Variants in DLGAP4 observed in about 807,000 individuals in gnomAD.
DLGAP4 encodes DLG associated protein 4.
A neutral mutation model predicts 86.9 loss-of-function variants in DLGAP4; 18 were observed. The ratio of observed to expected loss-of-function variants is 0.21; its 90% CI spans 0.14 to 0.31. The LOEUF is 0.31. Among genes scored for constraint, DLGAP4 ranks in the 10% least tolerant of loss-of-function variants. The pLI, the probability that DLGAP4 is intolerant of heterozygous loss-of-function variation, is 1.00. For synonymous variants in DLGAP4, 548 were observed against 574.3 expected (o/e 0.95, Z 0.65); for missense variants, 1,085 against 1,362.6 (o/e 0.80, Z 3.21).
At chr20:36,388,828 C>T (rs2031692546) in intron 2 of DLGAP4, among the ~76,000 whole-genome samples, 1 of 152,214 alleles carries the variant, frequency 6.6e-6, no homozygotes, top group South Asian at 2.1e-4. Flanking sequence ...TCATGATGCT[C>T]CTGGTCACTG....
chr20:36,338,731 T>C (rs2065347237), intron 1 of DLGAP4, among the ~76,000 whole-genome samples: 1 of 152,132 alleles, frequency 6.6e-6, no homozygotes. Flanking sequence ...GATAAATAAA[T>C]GAATAAATGA....
intron 2 of DLGAP4, among the ~76,000 whole-genome samples, chr20:36,380,593 AAGAGAGAG>A (rs57814145): frequency 2.8e-3 from 268 of 97,090 alleles, no homozygotes; most frequent in Admixed American, 4.5e-3. Context: ...GTCTGCATTA[AAGAGAGAG>A]AGAGAGAGAG....
intron 2 of DLGAP4, among the ~76,000 whole-genome samples, chr20:36,405,048 G>A (rs932498426): frequency 6.6e-6 from 1 of 152,216 alleles, no homozygotes; most frequent in Non-Finnish European, 1.5e-5. Context: ...CGCACAAATA[G>A]CCAGGAGGGA....
intron 2 of DLGAP4, among the ~76,000 whole-genome samples, chr20:36,386,450 G>A (rs2031600603): frequency 6.6e-6 from 1 of 151,488 alleles, no homozygotes; most frequent in Admixed American, 6.6e-5. Flanking sequence ...AGGAAAGGAT[G>A]GAGGGAAGAA....
chr20:36,401,708 C>G (rs79886281), intron 2 of DLGAP4, among the ~76,000 whole-genome samples: 2,519 of 152,262 alleles, frequency 0.017, 72 homozygotes, highest in African/African-American at 0.057. Flanking sequence ...AGGGCAGCAA[C>G]AATAAGCACA....
At chr20:36,522,631 ATC>A (rs1467010235) in intron 10 of DLGAP4, among the ~76,000 whole-genome samples, 5 of 152,092 alleles carry the variant, frequency 3.3e-5, no homozygotes, top group Non-Finnish European at 5.9e-5. Context: ...AGATTCTCCT[ATC>A]TCAGCCTCCC....
rs1395522533 is a variant in DLGAP4, at chr20:36,485,410, T to C, written c.1649-11295T>C. Among the ~76,000 whole-genome samples the C allele has an allele frequency of 2.0e-5, 3 of 152,082 alleles. No homozygotes were observed. In the East Asian group the frequency reaches 5.8e-4, roughly 29 times the overall value. ...AAATGTATATTTTAAAATCCAGATT[T>C]CTGGTACATTTGGCAGCTCTGACAA... On this transcript the variant is annotated intron_variant, in intron 7 of 12. Coordinates refer to ENST00000339266, the MANE Select transcript of DLGAP4 (RefSeq NM_001365621.2).
intron 2 of DLGAP4, among the ~76,000 whole-genome samples, chr20:36,425,076 G>A (rs1477500936): frequency 1.3e-5 from 2 of 152,046 alleles, no homozygotes; most frequent in Non-Finnish European, 2.9e-5. Flanking sequence ...GTGCTAATGG[G>A]GAAGGAAAGA....
intron 2 of DLGAP4, among the ~76,000 whole-genome samples, chr20:36,374,376 C>A (rs1600450592): frequency 6.6e-6 from 1 of 152,166 alleles, no homozygotes; most frequent in Admixed American, 6.5e-5. Flanking sequence ...ACTGAGTAGC[C>A]AACCAGAGTG....
At chr20:36,515,485 T>G (rs1295680284) in intron 10 of DLGAP4, among the ~76,000 whole-genome samples, 9 of 152,250 alleles carry the variant, frequency 5.9e-5, no homozygotes, top group Admixed American at 5.2e-4. Flanking sequence ...CTGATTTTTA[T>G]TTTAGAAATA....
intron 11 of DLGAP4, 200 bp from the exon 12 acceptor site, chr20:36,525,651 C>A: frequency 1.5e-6 from 1 of 664,426 alleles, no homozygotes; most frequent in Non-Finnish European, 2.5e-6. Context: ...TAGACTATCC[C>A]CCAAAGATCC....
At chr20:36,323,670 T>C (rs1555890803) in intron 1 of DLGAP4, among the ~76,000 whole-genome samples, 1 of 152,210 alleles carries the variant, frequency 6.6e-6, no homozygotes, top group African/African-American at 2.4e-5. Context: ...GATAGTGCCT[T>C]ACAGCAGGGA....
chr20:36,340,897 C>T (rs1384059920), intron 1 of DLGAP4, among the ~76,000 whole-genome samples: 1 of 152,174 alleles, frequency 6.6e-6, no homozygotes, highest in Non-Finnish European at 1.5e-5. Context: ...AGCTTTGAGT[C>T]AGCCCCAAAG....
chr20:36,422,832 T>C (rs2032866475), intron 2 of DLGAP4, among the ~76,000 whole-genome samples: 1 of 152,194 alleles, frequency 6.6e-6, no homozygotes, highest in African/African-American at 2.4e-5. Context: ...ATGCTTATAT[T>C]AATGAGCAGT....
At chr20:36,327,210 G>A (rs1435936194) in intron 1 of DLGAP4, among the ~76,000 whole-genome samples, 1 of 151,724 alleles carries the variant, frequency 6.6e-6, no homozygotes, top group Non-Finnish European at 1.5e-5. Context: ...ATGTTGGCCG[G>A]GCTGGTCTTG....
At chr20:36,459,298 C>G (rs2033961751) in intron 7 of DLGAP4, among the ~76,000 whole-genome samples, 1 of 152,214 alleles carries the variant, frequency 6.6e-6, no homozygotes, top group Non-Finnish European at 1.5e-5. Context: ...TCTCCTAGCC[C>G]AAGGGTCTCA....
Position 36,432,792 on chromosome 20 carries a change from A to G in DLGAP4, c.999+76A>G. 5.2e-6 allele frequency: 8 copies of G among 1,537,714 alleles called. No homozygotes were observed. Among genetic ancestry groups the G allele is most frequent in the Non-Finnish European group, 7.1e-6 (8 of 1,134,632 alleles). On this transcript the variant is annotated intron_variant, in intron 3 of 12. Transcript: ENST00000339266. This position sits in a 1 kb window ranked among gnomAD's most constrained non-coding sequence, Gnocchi z 6.5. ...CAGTTTTGAGGCCTAGACGTACCAC[A>G]GATTCACTTGGAAAGTCACTTCATT...
chr20:36,346,203 G>T (rs1432218878), intron 1 of DLGAP4, among the ~76,000 whole-genome samples: 4 of 152,204 alleles, frequency 2.6e-5, no homozygotes, highest in Non-Finnish European at 4.4e-5. Flanking sequence ...GGCTCTATGG[G>T]CAGAGTCCAA....
intron 1 of DLGAP4, among the ~76,000 whole-genome samples, chr20:36,355,298 C>CT (rs530582187): frequency 0.056 from 7,564 of 135,042 alleles, 233 homozygotes; most frequent in African/African-American, 0.08. Context: ...TTCTTTCTTT[C>CT]TTTTTTTTTT....
Sources: gnomAD v4.1 joint callset for allele counts (sites outside exome capture counted in the v4.1 genomes callset) on GRCh38, gnomAD v4.1.1 for gene constraint, Gnocchi (gnomAD v3.1) non-coding constraint, MANE v1.5 for transcripts, NCBI Gene and HGNC (gene_info 2026-07-23, HGNC 2026-07-21) for gene names.